SV2C: variants seen among roughly 807,000 people sequenced by gnomAD.
SV2C encodes solute carrier family 22 member B3.
In SV2C, 49 loss-of-function variants were observed where a neutral mutation model predicts 79.7. The ratio of observed to expected loss-of-function variants is 0.61; its 90% CI spans 0.49 to 0.78. The LOEUF (loss-of-function observed/expected upper bound fraction) is 0.78. Ranked by LOEUF, SV2C falls within the 30% of genes least tolerant of loss-of-function variation. The pLI is 0.00. For missense variants in SV2C, 833 were observed against 912.9 expected, an observed-to-expected ratio of 0.91 and a Z score of 1.13; for synonymous variants, 334 against 333.2, an observed-to-expected ratio of 1.00 and a Z score of -0.03.
At chr5:75,911,653 G>T in the SV2C span, 1 of 700,246 alleles carries the variant, frequency 1.4e-6, no homozygotes, top group East Asian at 2.9e-5. Flanking sequence ...GAACCCCGAA[G>T]AACTTTGCAC....
At chr5:75,851,731 C>G in the SV2C span, among the ~76,000 whole-genome samples, 7 of 152,330 alleles carry the variant, frequency 4.6e-5, no homozygotes, top group African/African-American at 9.6e-5. Context: ...AGCTCCCCCT[C>G]CCGGGTTCAC....
intron 2 of SV2C, among the ~76,000 whole-genome samples, chr5:76,158,035 T>G (rs1015751253): frequency 6.6e-6 from 1 of 151,576 alleles, no homozygotes; most frequent in Non-Finnish European, 1.5e-5. Context: ...AATGATTTTT[T>G]AAAGTAGTAA....
chr5:76,118,339 C>A (rs540437953), intron 1 of SV2C, among the ~76,000 whole-genome samples: 1 of 152,130 alleles, frequency 6.6e-6, no homozygotes, highest in African/African-American at 2.4e-5. Context: ...GAATAATCTA[C>A]GATTATTTCA....
rs778157097 is a variant in SV2C at position 76,177,342 on chromosome 5, AC to A, written c.581-17574del. 1.8e-4 allele frequency among the ~76,000 whole-genome samples: 28 copies of A among 151,424 alleles called. No individual in the cohort carries two copies. The South Asian group carries it at 3.5e-3, about 19-fold the overall frequency. On this transcript the variant is annotated intron_variant, in intron 2 of 12. Coordinates refer to ENST00000502798, the MANE Select transcript of SV2C (RefSeq NM_014979.4). The stretch of plus-strand genomic sequence containing the variant: ...GAGATCTTCCCTTATATGTTCCAGG[AC>A]CCGCTAGTGATACCTAGAATCGCAG...
intron 1 of SV2C, among the ~76,000 whole-genome samples, chr5:76,120,590 T>A (rs1465448966): frequency 1.4e-5 from 2 of 144,086 alleles, no homozygotes; most frequent in Non-Finnish European, 3.0e-5. Flanking sequence ...ATTGTTCAAT[T>A]CCCATCTATG....
rs534465196 is a variant in SV2C, at chr5:76,299,144, C to A, written c.1636+217C>A. Among the ~76,000 whole-genome samples, 12 of 152,178 alleles carry A rather than the reference C, an allele frequency of 7.9e-5. No individual in the cohort carries two copies. In the South Asian group the frequency reaches 2.5e-3, roughly 32 times the overall value. The stretch of plus-strand genomic sequence containing the variant: ...GAGCTTGCCAAAGTTCAAAAGTTGG[C>A]AACAACAACAACAAAAAAATCCTTT... On this transcript the variant is annotated intron_variant, in intron 10 of 12. Coordinates refer to ENST00000502798, the MANE Select transcript of SV2C (RefSeq NM_014979.4).
intron 1 of SV2C, among the ~76,000 whole-genome samples, chr5:76,090,898 A>G (rs1429482609): frequency 6.6e-6 from 1 of 152,218 alleles, no homozygotes; most frequent in Non-Finnish European, 1.5e-5. Flanking sequence ...AGCAAGGAAC[A>G]GCCATGTATT....
chr5:76,073,896 G>A, the SV2C span, among the ~76,000 whole-genome samples: 246 of 152,068 alleles, frequency 1.6e-3, no homozygotes, highest in African/African-American at 5.6e-3. Context: ...AAAACCTATT[G>A]AAATAAAAAA....
chr5:75,852,825 C>CAAAAAAAAAAAA, the SV2C span, among the ~76,000 whole-genome samples: 1 of 81,180 alleles, frequency 1.2e-5, no homozygotes, highest in African/African-American at 4.1e-5. Context: ...GACTCCGTCT[C>CAAAAAAAAAAAA]AAAAAAAAAA....
chr5:75,952,091 A>C, the SV2C span, among the ~76,000 whole-genome samples: 1 of 152,160 alleles, frequency 6.6e-6, no homozygotes, highest in East Asian at 1.9e-4. Flanking sequence ...AGTTCAGTTA[A>C]GTACAGCAGT....
chr5:76,025,010 C>T, the SV2C span, among the ~76,000 whole-genome samples: 2,253 of 152,252 alleles, frequency 0.015, 55 homozygotes, highest in African/African-American at 0.047. Flanking sequence ...GCCCCCTTTC[C>T]TTACCCAGTG....
the SV2C span, among the ~76,000 whole-genome samples, chr5:75,946,996 T>A: frequency 2.0e-4 from 31 of 152,146 alleles, no homozygotes; most frequent in East Asian, 3.1e-3. Context: ...AGTGAGAGAG[T>A]CTGATTGGCT....
chr5:75,894,504 T>C, the SV2C span, among the ~76,000 whole-genome samples: 1 of 152,024 alleles, frequency 6.6e-6, no homozygotes, highest in African/African-American at 2.4e-5. Flanking sequence ...GAGCAAAGTG[T>C]GTTTGGAGCT....
intron 12 of SV2C, among the ~76,000 whole-genome samples, chr5:76,322,657 C>T (rs1748868164): frequency 6.6e-6 from 1 of 152,068 alleles, no homozygotes; most frequent in African/African-American, 2.4e-5. Context: ...CTACAGTAAC[C>T]AAAACAGCAT....
intron 4 of SV2C, among the ~76,000 whole-genome samples, chr5:76,271,382 A>G (rs1746849216): frequency 6.6e-6 from 1 of 152,226 alleles, no homozygotes; most frequent in Non-Finnish European, 1.5e-5. Context: ...CCCACAAAAA[A>G]CAACCGAAAA....
chr5:76,011,983 C>G, the SV2C span, among the ~76,000 whole-genome samples: 9 of 152,108 alleles, frequency 5.9e-5, no homozygotes, highest in Admixed American at 3.3e-4. Flanking sequence ...TGTATATGTG[C>G]CACATTTTCT....
At chr5:75,927,449 A>G in the SV2C span, among the ~76,000 whole-genome samples, 1 of 151,982 alleles carries the variant, frequency 6.6e-6, no homozygotes, top group Non-Finnish European at 1.5e-5. Flanking sequence ...AAAATGGTCA[A>G]ACCCATACAA....
At chr5:76,219,081 C>G (rs1385348427) in intron 4 of SV2C, among the ~76,000 whole-genome samples, 1 of 152,152 alleles carries the variant, frequency 6.6e-6, no homozygotes, top group Non-Finnish European at 1.5e-5. Context: ...GGGCAGGCCT[C>G]ACATGATAAC....
Position 76,229,498 on chromosome 5 carries a change from C to T in SV2C, c.913+19611C>T, listed in dbSNP as rs943316043. On this transcript the variant is annotated intron_variant, in intron 4 of 12. Coordinates refer to ENST00000502798, the MANE Select transcript of SV2C (RefSeq NM_014979.4). Reference sequence around the variant, plus strand: ...CTTCAGTGGGGTTAGTTACTAGGAGCCATGTCAGCTGACCCTCACTCCTTT... The same window carrying T: ...CTTCAGTGGGGTTAGTTACTAGGAGTCATGTCAGCTGACCCTCACTCCTTT... Among the ~76,000 whole-genome samples, 11 of 152,326 alleles carry T rather than the reference C, an allele frequency of 7.2e-5. 1 individual carries two copies. The Middle Eastern group carries it at 0.01, about 141-fold the overall frequency.
Sources: gnomAD v4.1 joint callset for allele counts (sites outside exome capture counted in the v4.1 genomes callset) on GRCh38, gnomAD v4.1.1 for gene constraint, MANE v1.5 for transcripts, NCBI Gene and HGNC (gene_info 2026-07-23, HGNC 2026-07-21) for gene names.